Variants in ANKH observed in about 807,000 individuals in gnomAD.
The protein encoded by ANKH is ANKH inorganic pyrophosphate transport regulator.
ANKH carries 15 observed loss-of-function variants against 49.0 expected under a neutral mutation model. The ratio of observed to expected loss-of-function variants is 0.31; its 90% confidence interval spans 0.20 to 0.47. ANKH has a LOEUF of 0.47. Ranked by LOEUF, ANKH falls within the 20% of genes least tolerant of loss-of-function variation. The probability of loss-of-function intolerance (pLI) is 1.00; values close to 1 mark genes in which losing one functional copy is unlikely to be tolerated. For synonymous variants in ANKH, 273 were observed against 260.0 expected, an observed-to-expected ratio of 1.05 and a Z score of -0.48; for missense variants, 429 against 652.0, an observed-to-expected ratio of 0.66 and a Z score of 3.72.
intron 1 of ANKH, among the ~76,000 whole-genome samples, chr5:14,782,969 G>A (rs1253725877): frequency 6.6e-6 from 1 of 152,082 alleles, no homozygotes; most frequent in Non-Finnish European, 1.5e-5. Context: ...ATTATACAAG[G>A]ATCTTTAACT....
chr5:14,792,993 T>TATATATATATAAAAAAAA (rs1561057653), intron 1 of ANKH, among the ~76,000 whole-genome samples: 9 of 90,580 alleles, frequency 9.9e-5, no homozygotes, highest in South Asian at 3.4e-4. Context: ...TATATAAAAA[T>TATATATATATAAAAAAAA]ATATATATAT....
intron 1 of ANKH, among the ~76,000 whole-genome samples, chr5:14,860,941 C>A (rs1438912617): frequency 6.6e-6 from 1 of 151,914 alleles, no homozygotes; most frequent in Non-Finnish European, 1.5e-5. Context: ...CACCACCACA[C>A]CCGGCTAATT....
chr5:14,871,009 G>A, intron 1 of ANKH: 1 of 391,674 alleles, frequency 2.6e-6, no homozygotes, highest in Middle Eastern at 3.6e-4. Context: ...TAAAAACCCA[G>A]CACTTAAGCT....
chr5:14,751,082 C>A lies in ANKH; in HGVS notation c.674G>T (p.Gly225Val), dbSNP rs373383037. 39 of 1,614,124 alleles carry A rather than the reference C, an allele frequency of 2.4e-5. No individual in the cohort carries two copies. The highest frequency in any genetic ancestry group is 3.2e-5 in the Non-Finnish European group (38 of 1,180,054). The part of the protein sequence containing the change: ...NIHDIIPDRS[G>V]PELGGDATIR... ...TGGTAGACGTACCCCCAGCTCCGGG[C>A]CACTTCTGTCAGGGATGATGTCGTG... Residue 225 changes from glycine (G) to valine (V), a missense_variant, in exon 5 of 12, where the codon GGC becomes GTC. Gly to Val is a moderately radical substitution (Grantham distance 109). Coordinates refer to ENST00000284268, the MANE Select transcript of ANKH (RefSeq NM_054027.6).
intron 8 of ANKH, among the ~76,000 whole-genome samples, chr5:14,719,054 C>G (rs1168296554): frequency 3.9e-5 from 6 of 152,136 alleles, no homozygotes; most frequent in South Asian, 2.1e-4. Context: ...CTGAAAGATA[C>G]CAGTTTCAGG....
chr5:14,738,805 T>C (rs1219373140), intron 8 of ANKH, among the ~76,000 whole-genome samples: 3 of 151,728 alleles, frequency 2.0e-5, no homozygotes, highest in African/African-American at 2.4e-5. Flanking sequence ...ATCAAGAGCC[T>C]TTTAAAAGCT....
chr5:14,749,183 C>A lies in ANKH; in HGVS notation c.811G>T (p.Ala271Ser), dbSNP rs1738634503. 1 of 1,613,922 alleles carries A rather than the reference C, an allele frequency of 6.2e-7. No individual in the cohort carries two copies. Among genetic ancestry groups the A allele is most frequent in the African/African-American group, 1.3e-5 (1 of 74,928 alleles). ...FVSRDLGGSS[A>S]ATEAVAILTA... ...AAAGCATGGCCCACCTCTGTGGCTGCAGAACTGCCACCAAGGTCCCGGGAA... is the reference window on the plus strand; with the variant it reads ...AAAGCATGGCCCACCTCTGTGGCTGAAGAACTGCCACCAAGGTCCCGGGAA... The change falls in exon 6 of 12, where the codon GCA becomes TCA. Residue 271 changes from alanine to serine, a missense_variant. Coordinates refer to ENST00000284268, the MANE Select transcript of ANKH (RefSeq NM_054027.6).
At chr5:14,810,825 T>C (rs563282631) in intron 1 of ANKH, among the ~76,000 whole-genome samples, 26 of 152,316 alleles carry the variant, frequency 1.7e-4, no homozygotes, top group African/African-American at 5.8e-4. Context: ...AGACTCAGTA[T>C]GAGATCAAAC....
chr5:14,710,951 G>A lies in ANKH; in HGVS notation c.*246C>T, dbSNP rs1737160271. Reference sequence around the variant, plus strand: ...TGTCTTTTGGGTTTTCGTGAGGCAGGGGTATGAAGTCAGTTGTTTCGTTTG... The same window carrying A: ...TGTCTTTTGGGTTTTCGTGAGGCAGAGGTATGAAGTCAGTTGTTTCGTTTG... On this transcript the variant is annotated 3_prime_UTR_variant, in exon 12 of 12. Coordinates refer to ENST00000284268, the MANE Select transcript of ANKH (RefSeq NM_054027.6). 2.1e-6 allele frequency: 1 copy of A among 484,804 alleles called. No homozygotes were observed. Among genetic ancestry groups the A allele is most frequent in the Non-Finnish European group, 3.8e-6 (1 of 264,736 alleles). 30.0% of individuals were successfully genotyped at this position (484,804 alleles called of 1,614,324 possible).
At chr5:14,751,359 C>T in intron 4 of ANKH, 120 bp from the exon 5 acceptor site, 1 of 985,076 alleles carries the variant, frequency 1.0e-6, no homozygotes, top group Admixed American at 2.1e-5. Context: ...GACTTTTATG[C>T]AAACAGAACC....
At chr5:14,786,512 C>T (rs1388259337) in intron 1 of ANKH, among the ~76,000 whole-genome samples, 1 of 152,126 alleles carries the variant, frequency 6.6e-6, no homozygotes, top group African/African-American at 2.4e-5. Context: ...GGGGCACTTG[C>T]CTTAGCAGAT....
At chr5:14,720,804 C>T in intron 8 of ANKH, among the ~76,000 whole-genome samples, 1 of 152,224 alleles carries the variant, frequency 6.6e-6, no homozygotes, top group East Asian at 1.9e-4. Context: ...GAGATAATGC[C>T]TCACACAAAT....
chr5:14,781,643 T>A (rs80044859), intron 1 of ANKH, among the ~76,000 whole-genome samples: 3,207 of 152,248 alleles, frequency 0.021, 111 homozygotes, highest in African/African-American at 0.074. Context: ...ATTCTCCTGA[T>A]CTCTCATGAA....
chr5:14,823,911 C>A (rs1342906834), intron 1 of ANKH, among the ~76,000 whole-genome samples: 1 of 152,136 alleles, frequency 6.6e-6, no homozygotes, highest in Non-Finnish European at 1.5e-5. Flanking sequence ...GCCTGGGTGA[C>A]AAAGAGAGAC....
chr5:14,857,855 A>G (rs1299445765), intron 1 of ANKH, among the ~76,000 whole-genome samples: 1 of 152,226 alleles, frequency 6.6e-6, no homozygotes, highest in Non-Finnish European at 1.5e-5. Context: ...AGGCATATCC[A>G]GACCCAGCAT....
At chr5:14,860,224 AG>A (rs894728833) in intron 1 of ANKH, among the ~76,000 whole-genome samples, 14 of 152,336 alleles carry the variant, frequency 9.2e-5, no homozygotes, top group Middle Eastern at 3.4e-3. Context: ...GAAGGCGGTG[AG>A]GGAGGGACAT....
intron 1 of ANKH, among the ~76,000 whole-genome samples, chr5:14,835,467 A>G (rs1267411756): frequency 2.0e-5 from 3 of 152,164 alleles, no homozygotes; most frequent in Admixed American, 6.5e-5. Context: ...CAGACATCTC[A>G]GTGCGTTCAG....
At chr5:14,836,693 C>T (rs1465943164) in intron 1 of ANKH, among the ~76,000 whole-genome samples, 1 of 152,078 alleles carries the variant, frequency 6.6e-6, no homozygotes, top group Non-Finnish European at 1.5e-5. Flanking sequence ...GCCATACTGC[C>T]CAAGGTAATT....
intron 1 of ANKH, among the ~76,000 whole-genome samples, chr5:14,785,030 T>G (rs1044806028): frequency 1.3e-5 from 2 of 152,176 alleles, no homozygotes; most frequent in African/African-American, 4.8e-5. Context: ...TGCGGTGGCT[T>G]GGACTTTTCC....
Sources: gnomAD v4.1 joint callset for allele counts (sites outside exome capture counted in the v4.1 genomes callset) on GRCh38, gnomAD v4.1.1 for gene constraint, MANE v1.5 for transcripts, NCBI Gene and HGNC (gene_info 2026-07-23, HGNC 2026-07-21) for gene names.